The following NECAB2 variants were observed in gnomAD, a reference collection of about 807,000 sequenced individuals.
NECAB2 encodes the protein N-terminal EF-hand calcium binding protein 2, also known as N-terminal EF-hand calcium-binding protein 2.
NECAB2 carries 68 observed loss-of-function variants against 51.9 expected under a neutral mutation model. The ratio of observed to expected loss-of-function variants is 1.31; its 90% CI spans 1.08 to 1.60. NECAB2 has a LOEUF of 1.60. Ranked by LOEUF, NECAB2 falls within the 40% of genes most tolerant of loss-of-function variation. The pLI, the probability that NECAB2 is intolerant of heterozygous loss-of-function variation, is 0.00. For missense variants in NECAB2, 854 were observed against 490.3 expected (o/e 1.74, Z -7.00); for synonymous variants, 329 against 203.5 (o/e 1.62, Z -5.25).
chr16:83,998,145 G>C, intron 9 of NECAB2, 60 bp from the exon 10 acceptor site: 1 of 1,482,234 alleles, frequency 6.7e-7, no homozygotes, highest in Non-Finnish European at 9.3e-7. Flanking sequence ...GGGCCTGATG[G>C]GGTGTTTAGG....
chr16:83,995,090 G>A (rs758038351), intron 8 of NECAB2, among the ~76,000 whole-genome samples: 20 of 152,320 alleles, frequency 1.3e-4, no homozygotes, highest in Non-Finnish European at 2.5e-4. Flanking sequence ...TGATTCGAGA[G>A]AGTTTCAAAA....
At chr16:83,997,321 G>A in intron 9 of NECAB2, 52 bp downstream of exon 9, 1 of 1,610,720 alleles carries the variant, frequency 6.2e-7, no homozygotes, top group Non-Finnish European at 8.5e-7. Context: ...CCCATGCCAG[G>A]ACTGCCAAGA....
chr16:83,986,142 G>A (rs569871735), intron 5 of NECAB2, among the ~76,000 whole-genome samples: 3 of 151,970 alleles, frequency 2.0e-5, no homozygotes, highest in East Asian at 1.9e-4. Context: ...TCAGCCTCCC[G>A]AGTAGCTGGG....
Position 84,002,764 on chromosome 16 carries a change from C to A in NECAB2, c.*418C>A. ...ACTGTGCCCAGGCGCCAAATAAACC[C>A]TGGTTGGGAAGAGCTGTGTGCTCTG... is the stretch of plus-strand genomic sequence containing the variant. On this transcript the variant is annotated 3_prime_UTR_variant, in exon 13 of 13. Transcript: ENST00000305202. The A allele has an allele frequency of 4.7e-6, 1 of 213,806 alleles. No individual in the cohort carries two copies. Among genetic ancestry groups the A allele is most frequent in the Non-Finnish European group, 9.6e-6 (1 of 104,554 alleles). 13.2% of individuals were successfully genotyped at this position (213,806 alleles called of 1,614,324 possible).
At chr16:83,992,985 T>A (rs2084645358) in intron 6 of NECAB2, among the ~76,000 whole-genome samples, 1 of 152,194 alleles carries the variant, frequency 6.6e-6, no homozygotes, top group African/African-American at 2.4e-5. Flanking sequence ...CTGGGTCAGC[T>A]CCATCACGCG....
At chr16:83,994,174 C>A (rs991847430) in intron 6 of NECAB2, 128 bp from the exon 7 acceptor site, 4 of 827,152 alleles carry the variant, frequency 4.8e-6, no homozygotes, top group Non-Finnish European at 7.9e-6. Context: ...AAACAAAGGC[C>A]ATGATGCAAG....
chr16:83,996,765 G>A (rs922924724), intron 8 of NECAB2, among the ~76,000 whole-genome samples: 6 of 152,150 alleles, frequency 3.9e-5, no homozygotes, highest in African/African-American at 7.2e-5. Context: ...CCTGGAGACC[G>A]AAACTTACAG....
At chr16:83,995,120 C>T (rs1409511416) in intron 8 of NECAB2, among the ~76,000 whole-genome samples, 1 of 152,204 alleles carries the variant, frequency 6.6e-6, no homozygotes, top group Non-Finnish European at 1.5e-5. Context: ...AAGTGACCAG[C>T]AGTAGCAAAT....
At chr16:83,984,241 C>T (rs111249218) in intron 5 of NECAB2, among the ~76,000 whole-genome samples, 7,834 of 151,806 alleles carry the variant, frequency 0.052, 269 homozygotes, top group Middle Eastern at 0.12. Flanking sequence ...GTGATCTGTC[C>T]TCCTCGGCCT....
At position 83,980,765 on chromosome 16, in the gene NECAB2, G is replaced by A. The variant is rs562142788; in HGVS notation, c.336-74G>A. On this transcript the variant is annotated intron_variant, in intron 3 of 12. Transcript: ENST00000305202. Reference sequence around the variant, plus strand: ...AAAGAGCAGGCAGGATGTGTGTTTCGCAGGCTGTGCAGGGTCAGGCCTGCT... The same window carrying A: ...AAAGAGCAGGCAGGATGTGTGTTTCACAGGCTGTGCAGGGTCAGGCCTGCT... 210 of 1,517,954 alleles carry A rather than the reference G, an allele frequency of 1.4e-4. 1 individual carries two copies. The South Asian group carries it at 1.9e-3, about 14-fold the overall frequency. The allele number at this position is 1,517,954 out of a possible 1,614,324, so 94.0% of individuals were successfully genotyped here.
rs1255674891 is a variant in NECAB2 at position 83,998,341 on chromosome 16, G to A, written c.962+24G>A. Reference sequence around the variant, plus strand: ...CAGTGAGTGAGCTGCCGAGGCGTGGGTGGGATGGTGGCAGGGAGCTCTGCC... The same window carrying A: ...CAGTGAGTGAGCTGCCGAGGCGTGGATGGGATGGTGGCAGGGAGCTCTGCC... On this transcript the variant is annotated intron_variant, in intron 10 of 12. Transcript: ENST00000305202. The A allele has an allele frequency of 4.4e-6, 7 of 1,606,822 alleles. No individual in the cohort carries two copies. The Admixed American group carries it at 1.0e-4, about 23-fold the overall frequency.
intron 5 of NECAB2, among the ~76,000 whole-genome samples, chr16:83,989,753 C>A (rs1313327449): frequency 6.6e-6 from 1 of 152,326 alleles, no homozygotes; most frequent in East Asian, 1.9e-4. Flanking sequence ...GAGAAATGTC[C>A]TTGCAGAATC....
At chr16:83,997,854 A>G (rs1432875907) in intron 9 of NECAB2, among the ~76,000 whole-genome samples, 1 of 152,148 alleles carries the variant, frequency 6.6e-6, no homozygotes, top group Non-Finnish European at 1.5e-5. Context: ...TCAGCCAGAC[A>G]GTGATGTGAA....
chr16:83,972,003 G>T (rs577522099), intron 1 of NECAB2, 148 bp from the exon 2 acceptor site: 3 of 1,048,232 alleles, frequency 2.9e-6, no homozygotes, highest in African/African-American at 1.6e-5. Flanking sequence ...ATCCCAGCCC[G>T]GGGAGGGGGA....
intron 5 of NECAB2, among the ~76,000 whole-genome samples, chr16:83,986,704 G>C (rs1391994084): frequency 6.9e-6 from 1 of 144,954 alleles, no homozygotes; most frequent in Non-Finnish European, 1.5e-5. Flanking sequence ...TTTTTTGGTA[G>C]AGACAGGGTT....
At chr16:83,978,093 C>CGCATGGAAAATGTTGAGT (rs1370093974) in intron 2 of NECAB2, among the ~76,000 whole-genome samples, 8 of 152,276 alleles carry the variant, frequency 5.3e-5, no homozygotes, top group South Asian at 2.1e-4. Context: ...ATTTGTTGAA[C>CGCATGGAAAATGTTGAGT]GCATGGAAAA....
rs567996971 is a variant in NECAB2, at chr16:83,983,660, G to A, written c.459+2533G>A. On this transcript the variant is annotated intron_variant, in intron 5 of 12. Transcript: ENST00000305202. ...ATTGTCTCAAATTGAACAATCCTTC[G>A]CTCCCTGTGATAAACCCTAATTGGT... is the stretch of plus-strand genomic sequence containing the variant. 2.0e-4 allele frequency among the ~76,000 whole-genome samples: 31 copies of A among 152,104 alleles called. No individual in the cohort carries two copies. In the South Asian group the frequency reaches 4.2e-3, roughly 20 times the overall value.
chr16:83,994,183 AGTTCTGTGCAT>A (rs1394243705), intron 6 of NECAB2, 108 bp from the exon 7 acceptor site: 3 of 889,228 alleles, frequency 3.4e-6, no homozygotes, highest in Non-Finnish European at 5.4e-6. Flanking sequence ...CCATGATGCA[AGTTCTGTGCAT>A]GTGTGAGTCC....
chr16:83,976,665 A>G (rs1024747028), intron 2 of NECAB2, among the ~76,000 whole-genome samples: 2 of 151,310 alleles, frequency 1.3e-5, no homozygotes, highest in African/African-American at 4.9e-5. Flanking sequence ...AAAGACAGAA[A>G]TTCTTCCCAC....
Sources: allele counts gnomAD v4.1 joint callset (sites outside exome capture counted in the v4.1 genomes callset), GRCh38; gene constraint gnomAD v4.1.1; transcripts MANE v1.5; gene names NCBI Gene and HGNC (gene_info 2026-07-23, HGNC 2026-07-21).